Variants in PRLR observed in about 807,000 individuals in gnomAD.
PRLR encodes the protein hPRL receptor.
PRLR carries 13 observed loss-of-function variants against 40.2 expected under a neutral mutation model. That is an observed-to-expected ratio of 0.32 (90% CI 0.21 to 0.51). PRLR has a LOEUF of 0.51. Ranked by LOEUF, PRLR falls within the 20% of genes least tolerant of loss-of-function variation. The pLI is 0.97. For synonymous variants in PRLR, 269 were observed against 278.7 expected (o/e 0.97, Z 0.35); for missense variants, 656 against 747.3 (o/e 0.88, Z 1.42).
At chr5:35,185,768 G>C (rs1440103188) in intron 1 of PRLR, among the ~76,000 whole-genome samples, 1 of 152,228 alleles carries the variant, frequency 6.6e-6, no homozygotes, top group Non-Finnish European at 1.5e-5. Flanking sequence ...CACCAGCCTT[G>C]ACTAGGTGTC....
chr5:35,062,682 G>A lies in PRLR; in HGVS notation c.*2407C>T, dbSNP rs1769114507. The A allele has an allele frequency of 6.6e-6, 1 of 152,118 alleles. No homozygotes were observed. The highest frequency in any genetic ancestry group is 2.4e-5 in the African/African-American group (1 of 41,434). The allele number at this position is 152,118 out of a possible 1,614,324, so 9.4% of individuals were successfully genotyped here. ...ATATCTTCTCTATTCTTAGAGAATA[G>A]ACTATGTTAGGAAAGATTTAGTCTG... On this transcript the variant is annotated 3_prime_UTR_variant, in exon 10 of 10. Coordinates refer to ENST00000618457, the MANE Select transcript of PRLR (RefSeq NM_000949.7).
chr5:35,194,658 A>G (rs1434257816), intron 1 of PRLR, among the ~76,000 whole-genome samples: 1 of 152,250 alleles, frequency 6.6e-6, no homozygotes, highest in Non-Finnish European at 1.5e-5. Flanking sequence ...GCTAAGTGAA[A>G]GAAGCAGTCA....
intron 6 of PRLR, among the ~76,000 whole-genome samples, chr5:35,070,841 C>CAAAAAAAA (rs34668616): frequency 4.3e-5 from 3 of 69,148 alleles, no homozygotes; most frequent in Non-Finnish European, 9.2e-5. Context: ...AACTCCGTCT[C>CAAAAAAAA]AAAAAAAAAA....
At chr5:35,131,219 A>T (rs1400321457) in intron 1 of PRLR, among the ~76,000 whole-genome samples, 1 of 152,208 alleles carries the variant, frequency 6.6e-6, no homozygotes, top group Non-Finnish European at 1.5e-5. Flanking sequence ...ATCAGTGAAA[A>T]AAGTTGGATG....
At position 35,106,087 on chromosome 5, in the gene PRLR, A is replaced by G. The variant is rs573991455; in HGVS notation, c.-44+11974T>C. 1.8e-3 allele frequency among the ~76,000 whole-genome samples: 280 copies of G among 152,342 alleles called. 2 individuals are homozygous for G. The highest frequency in any genetic ancestry group is 3.9e-3 in the South Asian group (19 of 4,826). On this transcript the variant is annotated intron_variant, in intron 2 of 9. Transcript: ENST00000618457. ...GGCCAATATTCAACATTCTTAAAGA[A>G]AAGAATTTTCAACCCAGAATTTCAT...
At chr5:35,115,624 G>A (rs1372720223) in intron 2 of PRLR, among the ~76,000 whole-genome samples, 2 of 151,974 alleles carry the variant, frequency 1.3e-5, no homozygotes, top group Non-Finnish European at 2.9e-5. Context: ...GGGGGCCTGG[G>A]AAAGGGCTGG....
chr5:35,123,862 A>C (rs941174242), intron 1 of PRLR, among the ~76,000 whole-genome samples: 2 of 152,206 alleles, frequency 1.3e-5, no homozygotes, highest in Non-Finnish European at 2.9e-5. Flanking sequence ...TGAGGCTTTA[A>C]ACGTGGAAAC....
At chr5:35,161,468 G>A (rs1347904924) in intron 1 of PRLR, among the ~76,000 whole-genome samples, 1 of 152,180 alleles carries the variant, frequency 6.6e-6, no homozygotes, top group African/African-American at 2.4e-5. Flanking sequence ...ATACAGCATT[G>A]TTGTTTTATG....
chr5:35,111,444 T>C (rs1326383648), intron 2 of PRLR, among the ~76,000 whole-genome samples: 1 of 152,220 alleles, frequency 6.6e-6, no homozygotes, highest in Admixed American at 6.5e-5. Flanking sequence ...TTTAGGGTAA[T>C]ATATTTTAAA....
intron 2 of PRLR, among the ~76,000 whole-genome samples, chr5:35,114,951 G>A (rs544837014): frequency 1.8e-4 from 27 of 152,286 alleles, no homozygotes; most frequent in South Asian, 6.2e-4. Context: ...CACAGAGCTG[G>A]TGATGTTGGG....
chr5:35,146,273 A>G (rs1774178620), intron 1 of PRLR, among the ~76,000 whole-genome samples: 1 of 152,260 alleles, frequency 6.6e-6, no homozygotes, highest in Non-Finnish European at 1.5e-5. Flanking sequence ...CATGGCCCCA[A>G]GGAGCTCATA....
rs200582882 is a variant in PRLR at position 35,065,802 on chromosome 5, G to A, written c.1156C>T (p.Pro386Ser). Residue 386 changes from proline to serine, a missense_variant, in exon 10 of 10, where the codon CCT (proline) becomes TCT (serine). This residue lies in a region of PRLR where 469 missense variants were observed against 491.5 expected (regional missense o/e 0.95). Coordinates refer to ENST00000618457, the MANE Select transcript of PRLR (RefSeq NM_000949.7). ...GGGTCCCAGGTGTGGGTTGTTTCAG[G>A]ATTCTCTGGCTTCTCAATGACCTCA... Reference protein sequence around the residue: ...DPEVIEKPENPETTHTWDPQC... With the variant: ...DPEVIEKPENSETTHTWDPQC... 6.2e-7 allele frequency: 1 copy of A among 1,614,006 alleles called. No homozygotes were observed. Among genetic ancestry groups the A allele is most frequent in the African/African-American group, 1.3e-5 (1 of 74,906 alleles).
intron 1 of PRLR, among the ~76,000 whole-genome samples, chr5:35,168,162 A>G (rs1225480672): frequency 6.6e-6 from 1 of 152,002 alleles, no homozygotes; most frequent in Non-Finnish European, 1.5e-5. Context: ...TCATCAGGAA[A>G]ATAAAGATCT....
chr5:35,202,834 A>G (rs554494180), intron 1 of PRLR, among the ~76,000 whole-genome samples: 1 of 152,354 alleles, frequency 6.6e-6, no homozygotes, highest in East Asian at 1.9e-4. Flanking sequence ...CATGAATGTA[A>G]TTTAGCCTTA....
In PRLR at chr5:35,064,133, A is replaced by ATAG. The variant is rs1769204553; in HGVS notation, c.*955_*956insCTA. The ATAG allele has an allele frequency of 6.6e-6, 1 of 152,112 alleles. No homozygotes were observed. The highest frequency in any genetic ancestry group is 2.4e-5 in the African/African-American group (1 of 41,368). The allele number at this position is 152,112 out of a possible 1,614,324, so 9.4% of individuals were successfully genotyped here. On this transcript the variant is annotated 3_prime_UTR_variant, in exon 10 of 10. Coordinates refer to ENST00000618457, the MANE Select transcript of PRLR (RefSeq NM_000949.7). ...AATACATAAACAGCTGTACTGGGAA[A>ATAG]ATAGAAAATAGTCTTTTATTTTACC...
chr5:35,152,600 C>T (rs1774373166), intron 1 of PRLR, among the ~76,000 whole-genome samples: 1 of 152,144 alleles, frequency 6.6e-6, no homozygotes, highest in African/African-American at 2.4e-5. Context: ...CACACTAGTA[C>T]AAGTATTGTC....
rs748372122 is a variant in PRLR, at chr5:35,072,691, T to C, written c.427A>G (p.Arg143Gly). 2.5e-6 allele frequency: 4 copies of C among 1,614,206 alleles called. No individual in the cohort carries two copies. Among genetic ancestry groups the C allele is most frequent in the Non-Finnish European group, 3.4e-6 (4 of 1,180,022 alleles). Residue 143 changes from arginine (R) to glycine (G), a missense_variant, in exon 6 of 10, where the codon AGA becomes GGA. By Grantham distance (125) the Arg-to-Gly change is moderately radical. This residue lies in a region of PRLR where 180 missense variants were observed against 236.8 expected (regional missense o/e 0.76). Transcript: ENST00000618457. ...CATTTAATCCACAGGTAGGGTTTTC[T>C]GTCTTCTGGCTGTTTTACTTCCACA... ...LAVEVKQPED[R>G]KPYLWIKWSP...
intron 1 of PRLR, among the ~76,000 whole-genome samples, chr5:35,159,171 T>C (rs894085432): frequency 6.6e-5 from 10 of 152,144 alleles, no homozygotes; most frequent in Non-Finnish European, 1.5e-4. Context: ...ATTACAGTTC[T>C]AGTGACACAC....
At chr5:35,131,192 A>G (rs1316170227) in intron 1 of PRLR, among the ~76,000 whole-genome samples, 1 of 152,172 alleles carries the variant, frequency 6.6e-6, no homozygotes, top group Non-Finnish European at 1.5e-5. Flanking sequence ...CCAATTTAAA[A>G]TTTAATAGTA....
Sources: gnomAD v4.1 joint callset for allele counts (sites outside exome capture counted in the v4.1 genomes callset) on GRCh38, gnomAD v4.1.1 for gene constraint, gnomAD v4.1.1 regional missense constraint, MANE v1.5 for transcripts, NCBI Gene and HGNC (gene_info 2026-07-23, HGNC 2026-07-21) for gene names.